TMTC2: variants seen among roughly 807,000 people sequenced by gnomAD.
TMTC2 encodes the protein transmembrane O-mannosyltransferase targeting cadherins 2.
TMTC2 carries 43 observed loss-of-function variants against 82.4 expected under a neutral mutation model. The ratio of observed to expected loss-of-function variants is 0.52; its 90% confidence interval spans 0.41 to 0.67. The LOEUF is 0.67. Ranked by LOEUF, TMTC2 falls within the 30% of genes least tolerant of loss-of-function variation. The pLI is 0.00. For missense variants in TMTC2, 919 were observed against 1,012.4 expected, an observed-to-expected ratio of 0.91 and a Z score of 1.25; for synonymous variants, 408 against 381.9, an observed-to-expected ratio of 1.07 and a Z score of -0.80.
intron 1 of TMTC2, among the ~76,000 whole-genome samples, chr12:82,767,024 T>TG (rs1877003972): frequency 3.3e-5 from 5 of 152,090 alleles, no homozygotes; most frequent in African/African-American, 1.2e-4. Flanking sequence ...TGACAATAGC[T>TG]TTTTTTTCAT....
At chr12:82,690,078 G>T (rs999820544) in intron 1 of TMTC2, among the ~76,000 whole-genome samples, 2 of 152,182 alleles carry the variant, frequency 1.3e-5, no homozygotes, top group Non-Finnish European at 1.5e-5. Context: ...TGTATGCACA[G>T]CCTGTTCAAG....
chr12:82,762,568 G>A (rs1460232932), intron 1 of TMTC2, among the ~76,000 whole-genome samples: 1 of 152,168 alleles, frequency 6.6e-6, no homozygotes. Context: ...AGATAAAGAA[G>A]AGAGAGTCAG....
At chr12:82,910,874 T>C (rs896457117) in intron 3 of TMTC2, among the ~76,000 whole-genome samples, 2 of 151,956 alleles carry the variant, frequency 1.3e-5, no homozygotes, top group Admixed American at 1.3e-4. Flanking sequence ...GGGTTGTTTT[T>C]TTCTTTTTTT....
rs189675963 is a variant in TMTC2 at position 82,871,765 on chromosome 12, C to T, written c.654+14185C>T. On this transcript the variant is annotated intron_variant, in intron 2 of 11. Coordinates refer to ENST00000321196, the MANE Select transcript of TMTC2 (RefSeq NM_152588.3). ...TGTGCATTTCATTTAGGTTTAGAGTCGGTGTCCATTTTTTTTTCTCCTCAA... is the reference window on the plus strand; with the variant it reads ...TGTGCATTTCATTTAGGTTTAGAGTTGGTGTCCATTTTTTTTTCTCCTCAA... Among the ~76,000 whole-genome samples the T allele has an allele frequency of 9.5e-5, 14 of 147,318 alleles. No individual in the cohort carries two copies. The East Asian group carries it at 2.6e-3, about 27-fold the overall frequency.
At chr12:82,805,026 G>C (rs1879177677) in intron 1 of TMTC2, among the ~76,000 whole-genome samples, 3 of 152,094 alleles carry the variant, frequency 2.0e-5, no homozygotes. Flanking sequence ...AAGGAGACAG[G>C]GTCATTTATA....
intron 1 of TMTC2, among the ~76,000 whole-genome samples, chr12:82,840,894 C>G (rs572653688): frequency 1.3e-5 from 2 of 152,282 alleles, no homozygotes; most frequent in East Asian, 1.9e-4. Context: ...ATTCTCCTGC[C>G]TTATCCTCCT....
chr12:82,750,905 G>A (rs952528216), intron 1 of TMTC2, among the ~76,000 whole-genome samples: 12 of 152,060 alleles, frequency 7.9e-5, no homozygotes, highest in Admixed American at 5.2e-4. Flanking sequence ...TTTGAACGAG[G>A]AAACTGTTAA....
rs1883509164 is a variant in TMTC2, at chr12:83,082,561, A to G, written c.2331+20730A>G. 2.0e-5 allele frequency among the ~76,000 whole-genome samples: 3 copies of G among 152,230 alleles called. No homozygotes were observed. In the South Asian group the frequency reaches 6.2e-4, roughly 31 times the overall value. On this transcript the variant is annotated intron_variant, in intron 11 of 11. Coordinates refer to ENST00000321196, the MANE Select transcript of TMTC2 (RefSeq NM_152588.3). The stretch of plus-strand genomic sequence containing the variant: ...ATATATCAAGTTTTTATTTAATACT[A>G]TATTTTCAGTAATAGCCATAGGTTA...
rs747673509 is a variant in TMTC2 at position 82,857,251 on chromosome 12, C to T, written c.325C>T (p.Leu109Phe). The T allele has an allele frequency of 4.0e-5, 64 of 1,614,066 alleles. No individual in the cohort carries two copies. Among genetic ancestry groups the T allele is most frequent in the Admixed American group, 3.7e-4 (22 of 60,006 alleles). ...TCTCTTCACAAGCTTCTCCAAGATCCTCCTTGGTGATGGATACTGGACATT... is the reference window on the plus strand; with the variant it reads ...TCTCTTCACAAGCTTCTCCAAGATCTTCCTTGGTGATGGATACTGGACATT... ...TGLFTSFSKI[L>F]LGDGYWTFMA... The change falls in exon 2 of 12, where the codon CTC becomes TTC. Residue 109 changes from leucine to phenylalanine, a missense_variant. Transcript: ENST00000321196.
At position 83,134,123 on chromosome 12, in the gene TMTC2, C is replaced by G. The variant is rs1291752254; in HGVS notation, c.*1734C>G. The stretch of plus-strand genomic sequence containing the variant: ...TTTTTTCATGGCATTAATAAGAAAG[C>G]CCTTCTGTAATATATATATTATTTT... On this transcript the variant is annotated 3_prime_UTR_variant, in exon 12 of 12. Transcript: ENST00000321196. 6.6e-6 allele frequency: 1 copy of G among 152,448 alleles called. No individual in the cohort carries two copies. The highest frequency in any genetic ancestry group is 2.4e-5 in the African/African-American group (1 of 41,396). The allele number at this position is 152,448 out of a possible 1,614,324, so 9.4% of individuals were successfully genotyped here.
rs1183904529 is a variant in TMTC2, at chr12:83,132,994, T to C, written c.*605T>C. 1 of 152,280 alleles carries C rather than the reference T, an allele frequency of 6.6e-6. No individual in the cohort carries two copies. Among genetic ancestry groups the C allele is most frequent in the African/African-American group, 2.4e-5 (1 of 41,444 alleles). 9.4% of individuals were successfully genotyped at this position (152,280 alleles called of 1,614,324 possible). On this transcript the variant is annotated 3_prime_UTR_variant, in exon 12 of 12. Transcript: ENST00000321196. ...TGCACATAATGTTTTATGATTTGGA[T>C]GTCAGAGGCTTCATTCTTTTGGACA... is the stretch of plus-strand genomic sequence containing the variant.
chr12:82,750,154 G>GT (rs527552058), intron 1 of TMTC2, among the ~76,000 whole-genome samples: 21 of 151,502 alleles, frequency 1.4e-4, no homozygotes, highest in South Asian at 2.1e-4. Flanking sequence ...CTTATTTGTA[G>GT]TTTTTTTTCT....
At chr12:82,916,346 T>A (rs1476869740) in intron 3 of TMTC2, among the ~76,000 whole-genome samples, 1 of 152,206 alleles carries the variant, frequency 6.6e-6, no homozygotes, top group Non-Finnish European at 1.5e-5. Context: ...TTATATTAAT[T>A]GTCTTTACTA....
chr12:83,123,248 T>C (rs1400708754), intron 11 of TMTC2, among the ~76,000 whole-genome samples: 1 of 152,236 alleles, frequency 6.6e-6, no homozygotes, highest in Non-Finnish European at 1.5e-5. Context: ...TTGAAAGTAC[T>C]CCCTTTATAC....
chr12:82,995,337 T>TACACACACACACAC (rs59534444), intron 8 of TMTC2, among the ~76,000 whole-genome samples: 3 of 150,090 alleles, frequency 2.0e-5, no homozygotes, highest in Non-Finnish European at 4.5e-5. Context: ...CACACACACA[T>TACACACACACACAC]ACACACACAC....
At chr12:83,000,737 C>T (rs1344258908) in intron 8 of TMTC2, among the ~76,000 whole-genome samples, 1 of 152,218 alleles carries the variant, frequency 6.6e-6, no homozygotes, top group Non-Finnish European at 1.5e-5. Context: ...CCCCACATTT[C>T]TCTTCTGCAC....
intron 3 of TMTC2, among the ~76,000 whole-genome samples, chr12:82,927,420 T>A (rs1338590744): frequency 6.6e-6 from 1 of 152,190 alleles, no homozygotes; most frequent in Non-Finnish European, 1.5e-5. Flanking sequence ...TTGCTTCTTA[T>A]GGATGAGCAA....
intron 1 of TMTC2, among the ~76,000 whole-genome samples, chr12:82,851,413 C>T (rs912635909): frequency 9.9e-5 from 15 of 152,138 alleles, no homozygotes; most frequent in Admixed American, 3.3e-4. Flanking sequence ...GAGACTCTGT[C>T]TCCAAAACAA....
intron 7 of TMTC2, among the ~76,000 whole-genome samples, chr12:82,981,611 A>G (rs1202150832): frequency 1.3e-5 from 2 of 151,950 alleles, no homozygotes; most frequent in Non-Finnish European, 2.9e-5. Flanking sequence ...GAGAAAGGAA[A>G]ATAGTCATCG....
Sources: allele counts gnomAD v4.1 joint callset (sites outside exome capture counted in the v4.1 genomes callset), GRCh38; gene constraint gnomAD v4.1.1; transcripts MANE v1.5; gene names NCBI Gene and HGNC (gene_info 2026-07-23, HGNC 2026-07-21).